Variants in CNTN3 observed in about 807,000 individuals in gnomAD.
CNTN3 encodes contactin 3.
Under a neutral mutation model 119.1 loss-of-function variants are expected in CNTN3, and 60 were observed. The observed-to-expected ratio is 0.50, with a 90% CI of 0.41 to 0.62. CNTN3 has a LOEUF of 0.62. CNTN3 is among the 20% of genes least tolerant of loss of function. CNTN3 has a pLI of 0.00. For synonymous variants in CNTN3, 450 were observed against 438.7 expected (o/e 1.03, Z -0.32); for missense variants, 1,101 against 1,242.4 (o/e 0.89, Z 1.71).
rs115212782 is a variant in CNTN3, at chr3:74,478,625, C to T, written c.358+7831G>A. Among the ~76,000 whole-genome samples, 1,284 of 152,140 alleles carry T rather than the reference C, an allele frequency of 8.4e-3. 9 individuals carry two copies. The highest frequency in any genetic ancestry group is 0.014 in the Non-Finnish European group (944 of 67,992). On this transcript the variant is annotated intron_variant, in intron 4 of 22. Coordinates refer to ENST00000263665, the MANE Select transcript of CNTN3 (RefSeq NM_020872.3). ...AAGAAAGAGGTAATAATGAGGTGAG[C>T]CCAGTGAGATGAGCGACACCATAGC...
intron 5 of CNTN3, among the ~76,000 whole-genome samples, chr3:74,407,264 A>ATT (rs753215277): frequency 0.037 from 3,890 of 105,528 alleles, 307 homozygotes; most frequent in African/African-American, 0.1. Flanking sequence ...CAAATATTCT[A>ATT]TTTTTTTTTT....
At chr3:74,470,817 C>T (rs1259577074) in intron 4 of CNTN3, among the ~76,000 whole-genome samples, 3 of 152,202 alleles carry the variant, frequency 2.0e-5, no homozygotes, top group Non-Finnish European at 4.4e-5. Context: ...AACTGCACTA[C>T]TATCCATCCA....
At chr3:74,590,147 C>G (rs1017326747) in intron 1 of CNTN3, among the ~76,000 whole-genome samples, 3 of 150,196 alleles carry the variant, frequency 2.0e-5, no homozygotes, top group African/African-American at 7.3e-5. Flanking sequence ...AATAAATAAA[C>G]CAAAAACTCC....
intron 1 of CNTN3, among the ~76,000 whole-genome samples, chr3:74,608,131 A>C (rs1281204895): frequency 6.6e-6 from 1 of 152,236 alleles, no homozygotes; most frequent in African/African-American, 2.4e-5. Flanking sequence ...GCAGATTAGC[A>C]AGCTGTACCC....
At chr3:74,497,088 GTCTC>G (rs1380082054) in intron 3 of CNTN3, among the ~76,000 whole-genome samples, 1 of 151,852 alleles carries the variant, frequency 6.6e-6, no homozygotes, top group East Asian at 1.9e-4. Context: ...CTCCTTGGCT[GTCTC>G]TCTATCTGCT....
At chr3:74,354,202 A>T (rs1703881687) in intron 11 of CNTN3, among the ~76,000 whole-genome samples, 1 of 152,162 alleles carries the variant, frequency 6.6e-6, no homozygotes, top group African/African-American at 2.4e-5. Context: ...TTTCAATAGT[A>T]TTAAATGTTG....
At position 74,499,758 on chromosome 3, in the gene CNTN3, A is replaced by T. The variant is rs770753431; in HGVS notation, c.83T>A (p.Phe28Tyr). 2.9e-5 allele frequency: 47 copies of T among 1,609,272 alleles called. No homozygotes were observed. The South Asian group carries it at 5.0e-4, about 17-fold the overall frequency. ...AATGCTGTTGCTGGGTTCTTTGATA[A>T]ATACAGGGCCTTGTAAGAGAAGCTC... ...GGELLLQGPV[F>Y]IKEPSNSIFP... Residue 28 changes from phenylalanine to tyrosine, a missense_variant, in exon 3 of 23, where the codon TTT becomes TAT. Phe to Tyr is a conservative substitution (Grantham distance 22). Coordinates refer to ENST00000263665, the MANE Select transcript of CNTN3 (RefSeq NM_020872.3).
At position 74,424,873 on chromosome 3, in the gene CNTN3, C is replaced by A. The variant is rs771167706; in HGVS notation, c.426G>T (p.Leu142=). The A allele has an allele frequency of 4.3e-6, 7 of 1,613,562 alleles. 1 individual carries two copies. In the Admixed American group the frequency reaches 1.2e-4, roughly 27 times the overall value. The change falls in exon 5 of 23, where the codon CTG becomes CTT. Residue 142 remains leucine, a synonymous_variant. Transcript: ENST00000263665. ...VSVREGQGVV[L]LCGPPPHSGE... ...CAGAGTGTGGTGGGGGGCCGCAGAGCAGCACAACTCCCTGGCCTTCACGCA... is the reference window on the plus strand; with the variant it reads ...CAGAGTGTGGTGGGGGGCCGCAGAGAAGCACAACTCCCTGGCCTTCACGCA...
chr3:74,294,364 T>C (rs1702292780), intron 19 of CNTN3, among the ~76,000 whole-genome samples: 1 of 152,208 alleles, frequency 6.6e-6, no homozygotes, highest in Non-Finnish European at 1.5e-5. Context: ...AAGCCACCTG[T>C]GACCTGGTCC....
chr3:74,592,956 T>C (rs892786341), intron 1 of CNTN3, among the ~76,000 whole-genome samples: 1 of 151,988 alleles, frequency 6.6e-6, no homozygotes, highest in Non-Finnish European at 1.5e-5. Flanking sequence ...GTACCTAGTA[T>C]ATTCCAGGCA....
chr3:74,469,842 CT>C (rs1483570351), intron 4 of CNTN3, among the ~76,000 whole-genome samples: 2 of 152,106 alleles, frequency 1.3e-5, no homozygotes, highest in Non-Finnish European at 2.9e-5. Context: ...AGCAATCCCA[CT>C]CTTAGGTATG....
At chr3:74,473,429 T>C (rs747073716) in intron 4 of CNTN3, among the ~76,000 whole-genome samples, 3 of 152,202 alleles carry the variant, frequency 2.0e-5, no homozygotes, top group Admixed American at 1.3e-4. Context: ...AGTGCTTTTA[T>C]AAAATTTAAA....
In CNTN3 at chr3:74,340,583, C is replaced by T. The variant is rs142419422; in HGVS notation, c.1365-3925G>A. Among the ~76,000 whole-genome samples, 373 of 152,134 alleles carry T rather than the reference C, an allele frequency of 2.5e-3. 2 individuals carry two copies. The highest frequency in any genetic ancestry group is 0.01 in the Middle Eastern group (3 of 294). ...TATAGTGTTGCTCCGGAAATTTTAC[C>T]TATCATTGTTATTAAAAAGAAAATG... On this transcript the variant is annotated intron_variant, in intron 11 of 22. Coordinates refer to ENST00000263665, the MANE Select transcript of CNTN3 (RefSeq NM_020872.3).
intron 1 of CNTN3, among the ~76,000 whole-genome samples, chr3:74,523,006 A>T (rs1433293241): frequency 6.6e-6 from 1 of 151,722 alleles, no homozygotes; most frequent in Non-Finnish European, 1.5e-5. Context: ...ATTCCACCTC[A>T]ATCAATCATT....
At chr3:74,364,429 CA>C in intron 10 of CNTN3, 37 bp downstream of exon 10, 2 of 1,586,196 alleles carry the variant, frequency 1.3e-6, no homozygotes, top group South Asian at 1.1e-5. Flanking sequence ...GGATTTAAGA[CA>C]AAAAATTAAG....
intron 1 of CNTN3, among the ~76,000 whole-genome samples, chr3:74,521,913 C>T (rs1316027083): frequency 6.6e-6 from 1 of 151,694 alleles, no homozygotes; most frequent in East Asian, 1.9e-4. Flanking sequence ...ATACACAGAC[C>T]TAAATCTCTG....
intron 13 of CNTN3, among the ~76,000 whole-genome samples, chr3:74,326,698 T>C (rs1054031509): frequency 6.6e-6 from 1 of 152,138 alleles, no homozygotes; most frequent in Non-Finnish European, 1.5e-5. Flanking sequence ...GTAGCCCTAA[T>C]ATAAAAAATT....
chr3:74,598,988 C>A (rs1461333425), intron 1 of CNTN3, among the ~76,000 whole-genome samples: 1 of 151,898 alleles, frequency 6.6e-6, no homozygotes, highest in Non-Finnish European at 1.5e-5. Flanking sequence ...TATTTTGAAG[C>A]AATATGAAAA....
At position 74,298,003 on chromosome 3, in the gene CNTN3, A is replaced by C. The variant is rs1246118915; in HGVS notation, c.2355T>G (p.Gly785=). 28 of 1,613,856 alleles carry C rather than the reference A, an allele frequency of 1.7e-5. No homozygotes were observed. Among genetic ancestry groups the C allele is most frequent in the African/African-American group, 9.3e-5 (7 of 74,874 alleles). The change falls in exon 18 of 23, where the codon GGT becomes GGG. Residue 785 remains glycine (G), a synonymous_variant. Coordinates refer to ENST00000263665, the MANE Select transcript of CNTN3 (RefSeq NM_020872.3). The stretch of plus-strand genomic sequence containing the variant: ...TTGTCACTGGGCTAAATGGTCCTTC[A>C]CCTTTGTTATTATAAACACCCACTT... ...EVKVGVYNNK[G]EGPFSPVTTV...
Sources: allele counts gnomAD v4.1 joint callset (sites outside exome capture counted in the v4.1 genomes callset), GRCh38; gene constraint gnomAD v4.1.1; transcripts MANE v1.5; gene names NCBI Gene and HGNC (gene_info 2026-07-23, HGNC 2026-07-21).